Variants in PCDH15 observed in about 807,000 individuals in gnomAD.
The protein encoded by PCDH15 is protocadherin related 15, also known as protocadherin-15.
PCDH15 carries 129 observed loss-of-function variants against 178.5 expected under a neutral mutation model. That is an observed-to-expected ratio of 0.72 (90% confidence interval 0.63 to 0.84). The LOEUF is 0.84. Among genes scored for constraint, PCDH15 ranks in the 40% least tolerant of loss-of-function variants. The pLI, the probability that PCDH15 is intolerant of heterozygous loss-of-function variation, is 0.00. For missense variants in PCDH15, 2,230 were observed against 2,099.9 expected, an observed-to-expected ratio of 1.06 and a Z score of -1.21; for synonymous variants, 800 against 732.0, an observed-to-expected ratio of 1.09 and a Z score of -1.50.
At chr10:55,544,167 T>C (rs1044697980) in intron 2 of PCDH15, among the ~76,000 whole-genome samples, 3 of 134,854 alleles carry the variant, frequency 2.2e-5, no homozygotes, top group South Asian at 2.4e-4. Context: ...TATATATATA[T>C]ATATATATTA....
At position 53,866,864 on chromosome 10, in the gene PCDH15, G is replaced by A. The variant is rs757876538; in HGVS notation, c.3502-7C>T. The A allele has an allele frequency of 8.3e-6, 13 of 1,562,894 alleles. No homozygotes were observed. Among genetic ancestry groups the A allele is most frequent in the South Asian group, 5.6e-5 (5 of 89,388 alleles). Reference sequence around the variant, plus strand: ...CAGTATCTTTATCAGTAGCCTAGACGGAGGGGAAAAAAAAAGAGATTATAA... The same window carrying A: ...CAGTATCTTTATCAGTAGCCTAGACAGAGGGGAAAAAAAAAGAGATTATAA... On this transcript the variant is annotated splice_polypyrimidine_tract_variant and splice_region_variant and intron_variant, in intron 26 of 37. Transcript: ENST00000644397.
intron 3 of PCDH15, among the ~76,000 whole-genome samples, chr10:54,854,864 A>G (rs780483099): frequency 3.4e-4 from 52 of 152,286 alleles, no homozygotes; most frequent in Non-Finnish European, 6.8e-4. Flanking sequence ...CCTGGCCTGA[A>G]GGTGGGGCAT....
intron 15 of PCDH15, among the ~76,000 whole-genome samples, chr10:54,099,068 T>C (rs946789117): frequency 6.6e-6 from 1 of 152,182 alleles, no homozygotes; most frequent in Admixed American, 6.5e-5. Context: ...ACTAGTTAGA[T>C]TTCTCAGCCT....
At chr10:54,696,567 A>G (rs539865578) in intron 1 of PCDH15, among the ~76,000 whole-genome samples, 1 of 152,250 alleles carries the variant, frequency 6.6e-6, no homozygotes, top group South Asian at 2.1e-4. Flanking sequence ...GCTATCAAAC[A>G]GCACTGAAAT....
At chr10:55,006,002 A>G (rs1318725065) in intron 2 of PCDH15, among the ~76,000 whole-genome samples, 1 of 151,932 alleles carries the variant, frequency 6.6e-6, no homozygotes, top group East Asian at 1.9e-4. Context: ...AATACAATGT[A>G]CAATATGATG....
chr10:54,502,584 C>A (rs1482098804), intron 3 of PCDH15, among the ~76,000 whole-genome samples: 2 of 152,068 alleles, frequency 1.3e-5, no homozygotes, highest in African/African-American at 2.4e-5. Context: ...GTCTCTACAG[C>A]CTAATATCAT....
intron 2 of PCDH15, among the ~76,000 whole-genome samples, chr10:55,556,782 A>C (rs1842099675): frequency 6.6e-6 from 1 of 152,192 alleles, no homozygotes; most frequent in South Asian, 2.1e-4. Context: ...CAAATTATGA[A>C]GTGAGCCTAG....
intron 2 of PCDH15, among the ~76,000 whole-genome samples, chr10:55,507,782 A>T (rs977204521): frequency 2.0e-5 from 3 of 151,636 alleles, no homozygotes; most frequent in African/African-American, 7.3e-5. Context: ...TAGTCACAGA[A>T]AAGATAATGG....
chr10:54,136,199 C>T (rs1039751693), intron 14 of PCDH15, among the ~76,000 whole-genome samples: 1 of 152,084 alleles, frequency 6.6e-6, no homozygotes. Context: ...GGGTAGGATA[C>T]AAGAATCTAC....
At chr10:53,887,210 T>C (rs1177827278) in intron 26 of PCDH15, among the ~76,000 whole-genome samples, 1 of 152,160 alleles carries the variant, frequency 6.6e-6, no homozygotes, top group Non-Finnish European at 1.5e-5. Context: ...TGTAATATAG[T>C]ATTTCGTCTT....
In PCDH15 at chr10:53,818,024, G is replaced by T. The variant is rs2076128077; in HGVS notation, c.4434-11C>A. ...GATCCATAACCTCTCCTGCAAGGCA[G>T]AAATAAATAAATCAGTATTAAACAT... On this transcript the variant is annotated splice_polypyrimidine_tract_variant and intron_variant, in intron 33 of 37. Coordinates refer to ENST00000644397, the MANE Select transcript of PCDH15 (RefSeq NM_001384140.1). The T allele has an allele frequency of 2.5e-6, 1 of 398,370 alleles. No homozygotes were observed. Among genetic ancestry groups the T allele is most frequent in the South Asian group, 1.3e-4 (1 of 7,854 alleles). 24.7% of individuals were successfully genotyped at this position (398,370 alleles called of 1,614,324 possible).
intron 2 of PCDH15, among the ~76,000 whole-genome samples, chr10:54,626,504 AG>A (rs1346863758): frequency 2.0e-5 from 3 of 152,184 alleles, no homozygotes; most frequent in African/African-American, 7.2e-5. Flanking sequence ...GTGGCTTCAG[AG>A]GGTGCAGGCC....
intron 26 of PCDH15, among the ~76,000 whole-genome samples, chr10:53,869,878 T>A (rs2079712017): frequency 6.6e-6 from 1 of 152,244 alleles, no homozygotes. Context: ...TCTAACATTG[T>A]TGATTAGTTA....
Position 53,807,039 on chromosome 10 carries a change from T to C in PCDH15, c.4763A>G (p.Asn1588Ser). The change falls in exon 38 of 38, where the codon AAC (asparagine) becomes AGC (serine). Residue 1588 changes from asparagine to serine, a missense_variant. Asn to Ser is a conservative substitution (Grantham distance 46). Coordinates refer to ENST00000644397, the MANE Select transcript of PCDH15 (RefSeq NM_001384140.1). ...GEDSAPECQR[N>S]RLHHPSIHSN... ...GTGGATACTAGGATGGTGAAGACGGTTTCTCTGACATTCAGGAGCACTGTC... is the reference window on the plus strand; with the variant it reads ...GTGGATACTAGGATGGTGAAGACGGCTTCTCTGACATTCAGGAGCACTGTC... The C allele has an allele frequency of 6.2e-7, 1 of 1,613,612 alleles. No individual in the cohort carries two copies.
At chr10:54,653,622 C>A (rs1314769745) in intron 2 of PCDH15, among the ~76,000 whole-genome samples, 1 of 152,096 alleles carries the variant, frequency 6.6e-6, no homozygotes, top group Non-Finnish European at 1.5e-5. Context: ...CCTTTGGATT[C>A]TTTTAATACC....
intron 2 of PCDH15, among the ~76,000 whole-genome samples, chr10:55,543,969 A>G (rs1487120240): frequency 2.6e-5 from 4 of 150,950 alleles, no homozygotes; most frequent in Admixed American, 2.0e-4. Flanking sequence ...TTTGTTTGAG[A>G]ATTTAGATAA....
At chr10:53,839,963 T>C (rs927229982) in intron 29 of PCDH15, among the ~76,000 whole-genome samples, 1 of 152,178 alleles carries the variant, frequency 6.6e-6, no homozygotes, top group Non-Finnish European at 1.5e-5. Context: ...ATGAAAATCA[T>C]TGCAGAAAAA....
At chr10:54,149,417 T>C (rs2044294608) in intron 14 of PCDH15, among the ~76,000 whole-genome samples, 1 of 152,000 alleles carries the variant, frequency 6.6e-6, no homozygotes, top group Admixed American at 6.6e-5. Flanking sequence ...AATGAGGCCA[T>C]TGAGAAATCT....
chr10:54,871,881 T>A (rs1954047182), intron 3 of PCDH15, among the ~76,000 whole-genome samples: 1 of 152,086 alleles, frequency 6.6e-6, no homozygotes, highest in Admixed American at 6.5e-5. Flanking sequence ...GAACGTAAGT[T>A]AATTATAAAT....
Sources: gnomAD v4.1 joint callset for allele counts (sites outside exome capture counted in the v4.1 genomes callset) on GRCh38, gnomAD v4.1.1 for gene constraint, MANE v1.5 for transcripts, NCBI Gene and HGNC (gene_info 2026-07-23, HGNC 2026-07-21) for gene names.